Variants in TIE1 observed in about 807,000 individuals in gnomAD.
TIE1 encodes tyrosine-protein kinase receptor Tie-1.
A neutral mutation model predicts 130.5 loss-of-function variants in TIE1; 89 were observed. The observed-to-expected ratio is 0.68, with a 90% confidence interval of 0.57 to 0.81. The LOEUF (loss-of-function observed/expected upper bound fraction) is 0.81. TIE1 is among the 40% of genes least tolerant of loss of function. TIE1 has a pLI of 0.00. For synonymous variants in TIE1, 568 were observed against 629.4 expected, an observed-to-expected ratio of 0.90 and a Z score of 1.46; for missense variants, 1,392 against 1,559.8, an observed-to-expected ratio of 0.89 and a Z score of 1.81.
At chr1:43,301,593 C>T (rs534237757) in intron 1 of TIE1, among the ~76,000 whole-genome samples, 12 of 152,240 alleles carry the variant, frequency 7.9e-5, no homozygotes, top group Non-Finnish European at 1.3e-4. Flanking sequence ...CAAAATTTGC[C>T]GGGTGTGGTG....
rs1053685101 is a variant in TIE1, at chr1:43,312,356, G to A, written c.1682G>A (p.Arg561Gln). ...GGCTGGCATGTGGAAGGCACTGACC[G>A]GCTGCGAGTGAGCTGGTCCTTGCCC... ...LEGWHVEGTD[R>Q]LRVSWSLPLV... is the part of the protein sequence containing the mutation. Residue 561 changes from arginine to glutamine, a missense_variant, in exon 12 of 23, where the codon CGG becomes CAG. Arg to Gln is a conservative substitution (Grantham distance 43). Coordinates refer to ENST00000372476, the MANE Select transcript of TIE1 (RefSeq NM_005424.5). The surrounding 1 kb of genome is among the most constrained non-coding windows in gnomAD (Gnocchi z 5.6). 30 of 1,577,808 alleles carry A rather than the reference G, an allele frequency of 1.9e-5. No individual in the cohort carries two copies. The highest frequency in any genetic ancestry group is 1.7e-4 in the African/African-American group (13 of 74,536).
At position 43,322,834 on chromosome 1, in the gene TIE1, T is replaced by C; in HGVS notation, c.*112T>C. 1 of 1,052,410 alleles carries C rather than the reference T, an allele frequency of 9.5e-7. No homozygotes were observed. 65.2% of individuals were successfully genotyped at this position (1,052,410 alleles called of 1,614,324 possible). ...ACTTAAGCTGCCTCAAGGAATTTTTTTAACTTAAGGGAGAAAAAAAGGGAT... is the reference window on the plus strand; with the variant it reads ...ACTTAAGCTGCCTCAAGGAATTTTTCTAACTTAAGGGAGAAAAAAAGGGAT... On this transcript the variant is annotated 3_prime_UTR_variant, in exon 23 of 23. Transcript: ENST00000372476. This position sits in a 1 kb window ranked among gnomAD's most constrained non-coding sequence, Gnocchi z 4.0.
rs770948609 is a variant in TIE1 at position 43,312,433 on chromosome 1, G to A, written c.1759G>A (p.Gly587Arg). Residue 587 changes from glycine to arginine, a missense_variant, in exon 12 of 23, where the codon GGG becomes AGG. Gly to Arg is a moderately radical substitution (Grantham distance 125). Transcript: ENST00000372476. The surrounding 1 kb of genome is among the most constrained non-coding windows in gnomAD (Gnocchi z 5.6). ...GDGFLLRLWDGTRGQERRENV... is the reference protein window; with the variant it reads ...GDGFLLRLWDRTRGQERRENV... ...CGGTTTCCTGCTGCGCCTGTGGGAC[G>A]GGACACGGGGGCAGGAGCGGCGGGA... 15 of 1,611,516 alleles carry A rather than the reference G, an allele frequency of 9.3e-6. No individual in the cohort carries two copies. Among genetic ancestry groups the A allele is most frequent in the East Asian group, 2.2e-5 (1 of 44,858 alleles).
At position 43,315,595 on chromosome 1, in the gene TIE1, A is replaced by C. The variant is rs1646851058; in HGVS notation, c.2410-1604A>C. Among the ~76,000 whole-genome samples the C allele has an allele frequency of 6.6e-6, 1 of 152,118 alleles. No individual in the cohort carries two copies. Among genetic ancestry groups the C allele is most frequent in the African/African-American group, 2.4e-5 (1 of 41,418 alleles). On this transcript the variant is annotated intron_variant, in intron 14 of 22. Transcript: ENST00000372476. This position sits in a 1 kb window ranked among gnomAD's most constrained non-coding sequence, Gnocchi z 4.4. ...CTTGAACCCGGATGGCAGAGGTTGC[A>C]GTGAGCCAATATCACGCCACTGCAC...
chr1:43,305,890 A>G (rs529165752), intron 3 of TIE1, among the ~76,000 whole-genome samples: 22 of 152,288 alleles, frequency 1.4e-4, no homozygotes, highest in African/African-American at 5.1e-4. Flanking sequence ...TGTGGCCCCA[A>G]GATTCCTGCC....
At position 43,309,615 on chromosome 1, in the gene TIE1, C is replaced by G; in HGVS notation, c.1333+83C>G. On this transcript the variant is annotated intron_variant, in intron 9 of 22. Coordinates refer to ENST00000372476, the MANE Select transcript of TIE1 (RefSeq NM_005424.5). This position sits in a 1 kb window ranked among gnomAD's most constrained non-coding sequence, Gnocchi z 6.3. ...ATGCTGCTCAGGCTGGAGATACTAGCAGGAAGGACAAGGACATCTAAGGTC... is the reference window on the plus strand; with the variant it reads ...ATGCTGCTCAGGCTGGAGATACTAGGAGGAAGGACAAGGACATCTAAGGTC... The G allele has an allele frequency of 6.8e-7, 1 of 1,469,212 alleles. No homozygotes were observed. The highest frequency in any genetic ancestry group is 2.4e-5 in the East Asian group (1 of 41,516). 91.0% of individuals were successfully genotyped at this position (1,469,212 alleles called of 1,614,324 possible). A position where few individuals can be genotyped will look rare whatever the true frequency, so the allele number is the denominator to read the frequency against.
chr1:43,315,328 A>G lies in TIE1; in HGVS notation c.2409+1360A>G, dbSNP rs886435957. ...TCTCTCTCAAGGGCTGATCCTTGTG[A>G]TAGAAAGCCTAGTGTCTCTGCTATG... On this transcript the variant is annotated intron_variant, in intron 14 of 22. Coordinates refer to ENST00000372476, the MANE Select transcript of TIE1 (RefSeq NM_005424.5). The surrounding 1 kb of genome is among the most constrained non-coding windows in gnomAD (Gnocchi z 4.4). 1 of 152,268 alleles carries G rather than the reference A, an allele frequency of 6.6e-6. No homozygotes were observed. Among genetic ancestry groups the G allele is most frequent in the Admixed American group, 6.5e-5 (1 of 15,292 alleles). The allele number at this position is 152,268 out of a possible 1,614,324, so 9.4% of individuals were successfully genotyped here.
rs534213674 is a variant in TIE1, at chr1:43,307,730, G to T, written c.914-66G>T. On this transcript the variant is annotated intron_variant, in intron 6 of 22. Coordinates refer to ENST00000372476, the MANE Select transcript of TIE1 (RefSeq NM_005424.5). This position sits in a 1 kb window ranked among gnomAD's most constrained non-coding sequence, Gnocchi z 5.4. ...GTTGTATAACCTGTGCCCCATCTGC[G>T]CCCTCATCTGTGCCCTCATTGCCCC... The T allele has an allele frequency of 5.6e-6, 9 of 1,606,054 alleles. No individual in the cohort carries two copies. The highest frequency in any genetic ancestry group is 1.7e-4 in the Middle Eastern group (1 of 6,014).
At position 43,317,598 on chromosome 1, in the gene TIE1, G is replaced by A. The variant is rs757595244; in HGVS notation, c.2655G>A (p.Ala885=). The A allele has an allele frequency of 1.1e-5, 18 of 1,608,512 alleles. No homozygotes were observed. The highest frequency in any genetic ancestry group is 2.7e-5 in the African/African-American group (2 of 74,772). The change falls in exon 16 of 23, where the codon GCG becomes GCA. Residue 885 remains alanine, a synonymous_variant. Transcript: ENST00000372476. The surrounding 1 kb of genome is among the most constrained non-coding windows in gnomAD (Gnocchi z 5.1). The stretch of plus-strand genomic sequence containing the variant: ...CTGAAAATGACCATCGTGACTTTGC[G>A]GGAGAACTGGAAGTTCTGTGCAAAT... ...YASENDHRDF[A]GELEVLCKLG... is the part of the protein sequence containing the mutation.
At chr1:43,321,525 T>C in intron 21 of TIE1, 33 bp downstream of exon 21, 4 of 1,587,534 alleles carry the variant, frequency 2.5e-6, no homozygotes, top group Non-Finnish European at 3.4e-6. Flanking sequence ...TCCATGATCC[T>C]ATCTCTGTGA....
chr1:43,303,632 G>T (rs1646692703), intron 1 of TIE1, among the ~76,000 whole-genome samples: 1 of 152,124 alleles, frequency 6.6e-6, no homozygotes, highest in Admixed American at 6.6e-5. Context: ...CCACCGTCCA[G>T]ACTGGACTCT....
chr1:43,311,824 T>C lies in TIE1; in HGVS notation c.1487T>C (p.Ile496Thr), dbSNP rs906702638. The change falls in exon 10 of 23, where the codon ATT (isoleucine) becomes ACT (threonine). Residue 496 changes from isoleucine (I) to threonine (T), a missense_variant. By Grantham distance (89) the Ile-to-Thr change is moderately conservative. Coordinates refer to ENST00000372476, the MANE Select transcript of TIE1 (RefSeq NM_005424.5). ...GACAGTACCATGGACTGGTCGACCA[T>C]TGTGGGTGAGTAGGGAGAGAGCTGG... is the stretch of plus-strand genomic sequence containing the variant. Reference protein sequence around the residue: ...PQDSTMDWSTIVVDPSENVTL... With the variant: ...PQDSTMDWSTTVVDPSENVTL... 14 of 1,612,750 alleles carry C rather than the reference T, an allele frequency of 8.7e-6. No homozygotes were observed. Among genetic ancestry groups the C allele is most frequent in the African/African-American group, 1.3e-5 (1 of 74,940 alleles).
At chr1:43,305,415 A>G in intron 3 of TIE1, 72 bp downstream of exon 3, 1 of 1,405,726 alleles carries the variant, frequency 7.1e-7, no homozygotes, top group Non-Finnish European at 9.5e-7. Context: ...TTCATGACCC[A>G]TGGGACCCTC....
Position 43,318,339 on chromosome 1 carries a change from C to T in TIE1, c.2922+267C>T, listed in dbSNP as rs1472681997. On this transcript the variant is annotated intron_variant, in intron 17 of 22. Transcript: ENST00000372476. This position sits in a 1 kb window ranked among gnomAD's most constrained non-coding sequence, Gnocchi z 4.4. Reference sequence around the variant, plus strand: ...GAGAGGCCCAGGCTGGAGACAGCATCTGTGTGTGAGCTGTCACCCCACAGA... The same window carrying T: ...GAGAGGCCCAGGCTGGAGACAGCATTTGTGTGTGAGCTGTCACCCCACAGA... 6.6e-6 allele frequency among the ~76,000 whole-genome samples: 1 copy of T among 151,880 alleles called. No individual in the cohort carries two copies. Among genetic ancestry groups the T allele is most frequent in the Non-Finnish European group, 1.5e-5 (1 of 67,980 alleles).
Position 43,322,770 on chromosome 1 carries a change from C to T in TIE1, c.*48C>T. ...GCTCTGCTGGCCGGAGCAAACTCTG[C>T]TGTCTAACCTGTGACCAGTCTGACC... On this transcript the variant is annotated 3_prime_UTR_variant, in exon 23 of 23. Coordinates refer to ENST00000372476, the MANE Select transcript of TIE1 (RefSeq NM_005424.5). This position sits in a 1 kb window ranked among gnomAD's most constrained non-coding sequence, Gnocchi z 4.0. 1 of 1,570,888 alleles carries T rather than the reference C, an allele frequency of 6.4e-7. No individual in the cohort carries two copies. The highest frequency in any genetic ancestry group is 8.7e-7 in the Non-Finnish European group (1 of 1,145,798).
Position 43,309,213 on chromosome 1 carries a change from G to A in TIE1, c.1188+82G>A. ...ATCCCTAAGACCCCCTAGTCCCTCA[G>A]AACTTTCTGCAGGGCCCACCCATTG... On this transcript the variant is annotated intron_variant, in intron 8 of 22. Coordinates refer to ENST00000372476, the MANE Select transcript of TIE1 (RefSeq NM_005424.5). The surrounding 1 kb of genome is among the most constrained non-coding windows in gnomAD (Gnocchi z 6.3). The A allele has an allele frequency of 6.6e-7, 1 of 1,520,624 alleles. No individual in the cohort carries two copies. The highest frequency in any genetic ancestry group is 8.8e-7 in the Non-Finnish European group (1 of 1,133,354). 94.2% of individuals were successfully genotyped at this position (1,520,624 alleles called of 1,614,324 possible).
chr1:43,305,547 G>A (rs1002378948), intron 3 of TIE1, among the ~76,000 whole-genome samples: 6 of 152,152 alleles, frequency 3.9e-5, no homozygotes, highest in Admixed American at 3.9e-4. Context: ...TGTACACAGA[G>A]GGCCAGGAGC....
rs958788026 is a variant in TIE1 at position 43,306,584 on chromosome 1, G to A, written c.485-256G>A. 6.6e-6 allele frequency among the ~76,000 whole-genome samples: 1 copy of A among 152,142 alleles called. No homozygotes were observed. The highest frequency in any genetic ancestry group is 2.4e-5 in the African/African-American group (1 of 41,416). On this transcript the variant is annotated intron_variant, in intron 3 of 22. Transcript: ENST00000372476. This position sits in a 1 kb window ranked among gnomAD's most constrained non-coding sequence, Gnocchi z 4.9. ...GACCAGGGCAGTGGCAGTGGGTGTG[G>A]GGAGAAGCGGACTGGGTTAGGGGAT...
chr1:43,314,067 G>T (rs757681117), intron 14 of TIE1, 99 bp downstream of exon 14: 3 of 1,247,762 alleles, frequency 2.4e-6, no homozygotes, highest in East Asian at 2.4e-5. Context: ...GTGTGTGTGT[G>T]TGTGTGTGTT....
Sources: allele counts gnomAD v4.1 joint callset (sites outside exome capture counted in the v4.1 genomes callset), GRCh38; gene constraint gnomAD v4.1.1; non-coding constraint Gnocchi (gnomAD v3.1); transcripts MANE v1.5; gene names NCBI Gene and HGNC (gene_info 2026-07-23, HGNC 2026-07-21).